DNAH9: variants seen among roughly 807,000 people sequenced by gnomAD.
DNAH9 encodes dynein axonemal heavy chain 9, also known as DNAH9 variant protein.
In DNAH9, 345 loss-of-function variants were observed where a neutral mutation model predicts 471.6. The ratio of observed to expected loss-of-function variants is 0.73; its 90% CI spans 0.67 to 0.80. The LOEUF is 0.80. Among genes scored for constraint, DNAH9 ranks in the 30% least tolerant of loss-of-function variants. The probability of loss-of-function intolerance (pLI) is 0.00; values close to 1 mark genes in which losing one functional copy is unlikely to be tolerated. For synonymous variants in DNAH9, 2,093 were observed against 2,123.6 expected (o/e 0.99, Z 0.40); for missense variants, 5,407 against 5,609.2 (o/e 0.96, Z 1.15).
rs544582122 is a variant in DNAH9, at chr17:11,633,000, A to G, written c.1635+297A>G. ...CTTTAGCAGTAGGGAAAGTGTGACC[A>G]TGCAATACCATGGCTATTTAACCAT... On this transcript the variant is annotated intron_variant, in intron 8 of 68. Coordinates refer to ENST00000262442, the MANE Select transcript of DNAH9 (RefSeq NM_001372.4). 8.3e-4 allele frequency among the ~76,000 whole-genome samples: 126 copies of G among 152,238 alleles called. 1 individual carries two copies. The highest frequency in any genetic ancestry group is 3.0e-3 in the African/African-American group (123 of 41,544).
intron 28 of DNAH9, among the ~76,000 whole-genome samples, chr17:11,735,500 A>G (rs2075332258): frequency 6.6e-6 from 1 of 151,876 alleles, no homozygotes; most frequent in Admixed American, 6.6e-5. Flanking sequence ...CAGTGGCGCG[A>G]TCTCGGCTCA....
intron 58 of DNAH9, among the ~76,000 whole-genome samples, chr17:11,894,077 T>C (rs1055570284): frequency 6.6e-6 from 1 of 152,194 alleles, no homozygotes; most frequent in African/African-American, 2.4e-5. Flanking sequence ...TCAATTAGAT[T>C]GCAGAAACAT....
intron 4 of DNAH9, 148 bp downstream of exon 4, chr17:11,611,928 A>G: frequency 1.4e-6 from 1 of 734,122 alleles, no homozygotes; most frequent in South Asian, 1.6e-5. Context: ...AGAATACCAC[A>G]TCTAGATACA....
intron 14 of DNAH9, among the ~76,000 whole-genome samples, chr17:11,659,885 GC>G (rs1391922242): frequency 6.6e-6 from 1 of 152,172 alleles, no homozygotes; most frequent in African/African-American, 2.4e-5. Context: ...GGACTTCGTA[GC>G]CCCCACGACC....
chr17:11,961,252 T>C (rs1315564403), intron 67 of DNAH9, among the ~76,000 whole-genome samples: 2 of 152,146 alleles, frequency 1.3e-5, no homozygotes, highest in Non-Finnish European at 2.9e-5. Flanking sequence ...GAGGCGGAGG[T>C]TGCAGTGAGC....
chr17:11,761,905 G>A (rs761951304), intron 35 of DNAH9, among the ~76,000 whole-genome samples: 1 of 152,090 alleles, frequency 6.6e-6, no homozygotes, highest in Non-Finnish European at 1.5e-5. Context: ...AGGGTGAGAA[G>A]CCAGGGTTGC....
At chr17:11,724,997 C>A (rs1444315978) in intron 27 of DNAH9, among the ~76,000 whole-genome samples, 2 of 152,186 alleles carry the variant, frequency 1.3e-5, no homozygotes, top group African/African-American at 2.4e-5. Context: ...AAGGATCACC[C>A]AGCCTAGATC....
chr17:11,681,730 T>C (rs1390478986), intron 19 of DNAH9, among the ~76,000 whole-genome samples: 2 of 152,206 alleles, frequency 1.3e-5, no homozygotes, highest in Non-Finnish European at 2.9e-5. Context: ...AGGAATGTTT[T>C]TATTTTCAAA....
intron 61 of DNAH9, among the ~76,000 whole-genome samples, chr17:11,908,099 G>A (rs142226272): frequency 6.6e-6 from 1 of 152,252 alleles, no homozygotes; most frequent in East Asian, 1.9e-4. Flanking sequence ...GGTGGGGACT[G>A]GGAGGTATTG....
chr17:11,736,247 G>A (rs1214592438), intron 28 of DNAH9, among the ~76,000 whole-genome samples: 5 of 152,088 alleles, frequency 3.3e-5, no homozygotes, highest in South Asian at 2.1e-4. Context: ...ACTCAGGATC[G>A]TCCCTCGTAC....
intron 31 of DNAH9, among the ~76,000 whole-genome samples, chr17:11,745,694 C>T (rs1421132517): frequency 1.3e-5 from 2 of 152,082 alleles, no homozygotes; most frequent in African/African-American, 4.8e-5. Flanking sequence ...AAATGATATC[C>T]ATCAAACAAG....
intron 57 of DNAH9, among the ~76,000 whole-genome samples, chr17:11,890,860 A>G (rs944102010): frequency 2.6e-5 from 4 of 151,922 alleles, no homozygotes; most frequent in Admixed American, 1.3e-4. Context: ...CGGACAATTT[A>G]ATTTTTTGTA....
chr17:11,897,840 GT>G (rs1470613601), intron 59 of DNAH9, among the ~76,000 whole-genome samples: 2 of 152,236 alleles, frequency 1.3e-5, no homozygotes, highest in East Asian at 3.8e-4. Context: ...TCCTAGAGCT[GT>G]TCTAAGAAAG....
chr17:11,648,184 A>G (rs1254926800), intron 12 of DNAH9, among the ~76,000 whole-genome samples: 1 of 152,242 alleles, frequency 6.6e-6, no homozygotes, highest in Non-Finnish European at 1.5e-5. Context: ...TTGATGGCGT[A>G]TGCTCCAGGA....
chr17:11,926,645 T>C (rs1245633886), intron 62 of DNAH9, among the ~76,000 whole-genome samples: 1 of 152,222 alleles, frequency 6.6e-6, no homozygotes, highest in Non-Finnish European at 1.5e-5. Context: ...ATTTTCTTTA[T>C]CTAGTCTATC....
At chr17:11,920,787 A>G (rs1172215247) in intron 61 of DNAH9, among the ~76,000 whole-genome samples, 1 of 152,116 alleles carries the variant, frequency 6.6e-6, no homozygotes, top group Non-Finnish European at 1.5e-5. Context: ...AAGTTGGTAG[A>G]AGGCAGAGAA....
At position 11,871,609 on chromosome 17, in the gene DNAH9, C is replaced by G; in HGVS notation, c.10065C>G (p.Leu3355=). ...TTTTGAAATGGTAGGTTGGAGGACT[C>G]GCTTCTGAAAACGTGAGGTGGGCAG... ...ISLANRLVGG[L]ASENVRWADA... The change falls in exon 52 of 69, where the codon CTC becomes CTG. Residue 3355 remains leucine (L), a synonymous_variant. Transcript: ENST00000262442. 1.9e-6 allele frequency: 3 copies of G among 1,613,706 alleles called. No homozygotes were observed. Among genetic ancestry groups the G allele is most frequent in the Non-Finnish European group, 2.5e-6 (3 of 1,179,606 alleles).
intron 36 of DNAH9, among the ~76,000 whole-genome samples, chr17:11,766,774 A>C (rs1435704079): frequency 6.6e-6 from 1 of 152,058 alleles, no homozygotes; most frequent in Non-Finnish European, 1.5e-5. Context: ...ACCAGCCTGG[A>C]CAATATGGTG....
chr17:11,691,292 A>G (rs1437767691), intron 20 of DNAH9, among the ~76,000 whole-genome samples: 1 of 152,258 alleles, frequency 6.6e-6, no homozygotes, highest in Non-Finnish European at 1.5e-5. Context: ...GTCAAATTGA[A>G]TAAGCCAGAT....
Sources: gnomAD v4.1 joint callset for allele counts (sites outside exome capture counted in the v4.1 genomes callset) on GRCh38, gnomAD v4.1.1 for gene constraint, MANE v1.5 for transcripts, NCBI Gene and HGNC (gene_info 2026-07-23, HGNC 2026-07-21) for gene names.